Variants in SORT1 observed in about 807,000 individuals in gnomAD.
SORT1 encodes the protein sortilin.
In SORT1, 39 loss-of-function variants were observed where a neutral mutation model predicts 101.7. That is an observed-to-expected ratio of 0.38 (90% CI 0.30 to 0.50). SORT1 has a LOEUF of 0.50. Ranked by LOEUF, SORT1 falls within the 20% of genes least tolerant of loss-of-function variation. SORT1 has a pLI of 0.90. For missense variants in SORT1, 878 were observed against 1,040.4 expected, an observed-to-expected ratio of 0.84 and a Z score of 2.15; for synonymous variants, 396 against 393.7, an observed-to-expected ratio of 1.01 and a Z score of -0.07.
Position 109,345,778 on chromosome 1 carries a change from G to A in SORT1, c.936C>T (p.Phe312=). Residue 312 remains phenylalanine, a synonymous_variant, in exon 8 of 20, where the codon TTC becomes TTT. Coordinates refer to ENST00000256637, the MANE Select transcript of SORT1 (RefSeq NM_002959.7). ...TATCAGCCATCACAGAGGCAAAAAG[G>A]AAACGTCCCCCAAGACCAAATGAGT... ...KIYSFGLGGR[F]LFASVMADKD... 6.2e-7 allele frequency: 1 copy of A among 1,613,810 alleles called. No homozygotes were observed. The highest frequency in any genetic ancestry group is 8.5e-7 in the Non-Finnish European group (1 of 1,179,860).
chr1:109,320,077 T>TG (rs1205272601), intron 15 of SORT1, among the ~76,000 whole-genome samples: 1 of 152,088 alleles, frequency 6.6e-6, no homozygotes, highest in African/African-American at 2.4e-5. Context: ...CGCCACTGCT[T>TG]GCTCTTCTTT....
chr1:109,323,934 C>A (rs140874904), intron 14 of SORT1, among the ~76,000 whole-genome samples: 2 of 152,148 alleles, frequency 1.3e-5, no homozygotes, highest in Non-Finnish European at 2.9e-5. Flanking sequence ...TCTATTTGAA[C>A]GTCTTATGGA....
chr1:109,317,718 A>G, intron 16 of SORT1, 135 bp downstream of exon 16: 2 of 660,582 alleles, frequency 3.0e-6, no homozygotes, highest in Non-Finnish European at 2.7e-6. Flanking sequence ...GGAGGCCTTC[A>G]TATCCTGCCC....
intron 13 of SORT1, among the ~76,000 whole-genome samples, chr1:109,326,444 TATATATATATATATATATATAC>T (rs1042471553): frequency 3.4e-3 from 85 of 24,672 alleles, no homozygotes; most frequent in Non-Finnish European, 6.0e-3. Context: ...TATATATATA[TATATATATATATATATATATAC>T]ATACACACAC....
intron 3 of SORT1, among the ~76,000 whole-genome samples, chr1:109,363,914 G>A (rs1424601692): frequency 6.6e-6 from 1 of 152,128 alleles, no homozygotes; most frequent in Admixed American, 6.5e-5. Context: ...TGTTTGACAT[G>A]GTTGACTTGG....
Position 109,397,577 on chromosome 1 carries a change from GC to G in SORT1, c.306+9del. 8.4e-7 allele frequency: 1 copy of G among 1,196,872 alleles called. No individual in the cohort carries two copies. The highest frequency in any genetic ancestry group is 1.0e-6 in the Non-Finnish European group (1 of 958,864). 74.1% of individuals were successfully genotyped at this position (1,196,872 alleles called of 1,614,324 possible). Reference sequence around the variant, plus strand: ...CACCCGAGCGGCTCCCGGGCCCGGCGCCCGCTCACCTGGTGCGTGTTGTTGG... The same window carrying G: ...CACCCGAGCGGCTCCCGGGCCCGGCGCCGCTCACCTGGTGCGTGTTGTTGG... On this transcript the variant is annotated intron_variant, in intron 1 of 19. Transcript: ENST00000256637.
rs756504275 is a variant in SORT1, at chr1:109,322,995, C to T, written c.1961G>A (p.Gly654Asp). The T allele has an allele frequency of 1.2e-6, 2 of 1,614,218 alleles. No individual in the cohort carries two copies. Among genetic ancestry groups the T allele is most frequent in the East Asian group, 4.5e-5 (2 of 44,890 alleles). Residue 654 changes from glycine to aspartate, a missense_variant, in exon 15 of 20, where the codon GGT becomes GAT. By Grantham distance (94) the Gly-to-Asp change is moderately conservative (BLOSUM62 -1). This residue lies in a region of SORT1 where 684 missense variants were observed against 894.5 expected (regional missense o/e 0.76). Coordinates refer to ENST00000256637, the MANE Select transcript of SORT1 (RefSeq NM_002959.7). ...CTGCTTGGTCACAACATAGTCTCGA[C>T]CATTCTGACACACGGATGACTTGCG... ...RLRKSSVCQNGRDYVVTKQPS... is the reference protein window; with the variant it reads ...RLRKSSVCQNDRDYVVTKQPS...
At chr1:109,320,262 A>G (rs1647534632) in intron 15 of SORT1, among the ~76,000 whole-genome samples, 2 of 152,192 alleles carry the variant, frequency 1.3e-5, no homozygotes, top group African/African-American at 4.8e-5. Context: ...TACATGCTGG[A>G]TATCCCACCT....
intron 8 of SORT1, 101 bp downstream of exon 8, chr1:109,345,650 A>T: frequency 8.3e-7 from 1 of 1,201,902 alleles, no homozygotes; most frequent in South Asian, 1.5e-5. Flanking sequence ...TAAATATAAC[A>T]AAAAGACAAG....
rs1375218788 is a variant in SORT1 at position 109,342,175 on chromosome 1, T to C, written c.964-17A>G. The C allele has an allele frequency of 1.9e-6, 3 of 1,591,094 alleles. No homozygotes were observed. The highest frequency in any genetic ancestry group is 1.3e-5 in the African/African-American group (1 of 74,252). ...TGTTGTATCCTAGAACAGATGTCAA[T>C]ATTTATCTTTCTAATTTTCTGCCAA... On this transcript the variant is annotated splice_polypyrimidine_tract_variant and intron_variant, in intron 8 of 19. Transcript: ENST00000256637.
At chr1:109,346,346 G>C (rs1246875082) in intron 7 of SORT1, among the ~76,000 whole-genome samples, 1 of 150,382 alleles carries the variant, frequency 6.6e-6, no homozygotes, top group African/African-American at 2.4e-5. Context: ...TACAGCATTA[G>C]ATATAGGCAA....
At chr1:109,329,284 C>T (rs1465964506) in intron 11 of SORT1, among the ~76,000 whole-genome samples, 1 of 152,024 alleles carries the variant, frequency 6.6e-6, no homozygotes, top group African/African-American at 2.4e-5. Context: ...GACGGAGTGT[C>T]GCTCTGCCAC....
intron 1 of SORT1, among the ~76,000 whole-genome samples, chr1:109,382,995 T>C (rs1255387141): frequency 6.6e-6 from 1 of 152,216 alleles, no homozygotes; most frequent in African/African-American, 2.4e-5. Context: ...AACAACCATC[T>C]TCCCATCTAA....
chr1:109,344,594 C>A (rs1309645764), intron 8 of SORT1, among the ~76,000 whole-genome samples: 1 of 152,220 alleles, frequency 6.6e-6, no homozygotes, highest in Admixed American at 6.5e-5. Context: ...GAGAGCCCAT[C>A]CTAAACAGTC....
At chr1:109,352,671 A>T (rs958497066) in intron 5 of SORT1, among the ~76,000 whole-genome samples, 1 of 152,178 alleles carries the variant, frequency 6.6e-6, no homozygotes, top group Non-Finnish European at 1.5e-5. Context: ...AATTTACCTA[A>T]TTCTACTTAT....
Position 109,314,025 on chromosome 1 carries a change from T to A in SORT1, c.*18A>T. ...CTGTGGTTCCACCATCCATGCTGGG[T>A]CCAGCTCCTCTGAAGAGCTATTCCA... On this transcript the variant is annotated 3_prime_UTR_variant, in exon 20 of 20. Coordinates refer to ENST00000256637, the MANE Select transcript of SORT1 (RefSeq NM_002959.7). 6.2e-7 allele frequency: 1 copy of A among 1,613,072 alleles called. No individual in the cohort carries two copies. Among genetic ancestry groups the A allele is most frequent in the South Asian group, 1.1e-5 (1 of 91,056 alleles).
At chr1:109,395,686 G>A (rs1653146176) in intron 1 of SORT1, among the ~76,000 whole-genome samples, 1 of 152,266 alleles carries the variant, frequency 6.6e-6, no homozygotes, top group South Asian at 2.1e-4. Context: ...TTTGGCCTTA[G>A]AACCCCTGAG....
chr1:109,314,219 TTGG>T, intron 19 of SORT1, 39 bp downstream of exon 19: 3 of 1,101,652 alleles, frequency 2.7e-6, no homozygotes, highest in Non-Finnish European at 3.9e-6. Context: ...CTTGTATTTT[TTGG>T]GGGGGGGGGT....
At chr1:109,393,245 C>T in intron 1 of SORT1, 5 of 985,318 alleles carry the variant, frequency 5.1e-6, no homozygotes, top group Non-Finnish European at 6.0e-6. Flanking sequence ...GAACCAGATG[C>T]TTTAAAGTTG....
Sources: allele counts gnomAD v4.1 joint callset (sites outside exome capture counted in the v4.1 genomes callset), GRCh38; gene constraint gnomAD v4.1.1; regional missense constraint gnomAD v4.1.1; transcripts MANE v1.5; gene names NCBI Gene and HGNC (gene_info 2026-07-23, HGNC 2026-07-21).